Variants in MAF observed in about 807,000 individuals in gnomAD.
The protein encoded by MAF is transcription factor Maf.
Under a neutral mutation model 22.0 loss-of-function variants are expected in MAF, and 10 were observed. That is an observed-to-expected ratio of 0.45 (90% CI 0.28 to 0.77). The LOEUF (loss-of-function observed/expected upper bound fraction) is 0.77, where lower values mean the gene tolerates loss of function less well. Among genes scored for constraint, MAF ranks in the 30% least tolerant of loss-of-function variants. The pLI is 0.12. For missense variants in MAF, 544 were observed against 548.4 expected (o/e 0.99, Z 0.08); for synonymous variants, 337 against 255.8 (o/e 1.32, Z -3.03).
At chr16:79,271,082 T>A in the MAF span, among the ~76,000 whole-genome samples, 2,204 of 108,342 alleles carry the variant, frequency 0.02, 42 homozygotes, top group Non-Finnish European at 0.031. Flanking sequence ...CATTTTTTTT[T>A]ATTTTTTATT....
the MAF span, among the ~76,000 whole-genome samples, chr16:79,569,880 TACAA>T: frequency 6.6e-6 from 1 of 152,110 alleles, no homozygotes; most frequent in East Asian, 1.9e-4. Flanking sequence ...ACAAGTTAAA[TACAA>T]ACAATTGACG....
chr16:79,485,988 G>C, the MAF span, among the ~76,000 whole-genome samples: 1 of 152,232 alleles, frequency 6.6e-6, no homozygotes, highest in Non-Finnish European at 1.5e-5. Flanking sequence ...CTGGACCACT[G>C]TGGATAATGG....
chr16:79,365,597 G>C, the MAF span, among the ~76,000 whole-genome samples: 1 of 151,980 alleles, frequency 6.6e-6, no homozygotes, highest in Admixed American at 6.6e-5. Flanking sequence ...TTTTTCCTGG[G>C]ATTGGGGTGT....
chr16:79,349,740 C>A, the MAF span, among the ~76,000 whole-genome samples: 1 of 152,166 alleles, frequency 6.6e-6, no homozygotes, highest in Non-Finnish European at 1.5e-5. Flanking sequence ...CCATGAACAC[C>A]TTTTACACCT....
At chr16:79,567,222 G>A in the MAF span, among the ~76,000 whole-genome samples, 4 of 152,248 alleles carry the variant, frequency 2.6e-5, no homozygotes, top group East Asian at 5.8e-4. Flanking sequence ...GGAGGCTGAG[G>A]CAGGAGAATC....
the MAF span, among the ~76,000 whole-genome samples, chr16:79,222,696 T>G: frequency 6.6e-6 from 1 of 151,398 alleles, no homozygotes; most frequent in Non-Finnish European, 1.5e-5. Flanking sequence ...ACCAAGCAAG[T>G]GGGAAGAAAA....
chr16:79,597,691 A>G, intron 1 of MAF: 3 of 1,020,334 alleles, frequency 2.9e-6, no homozygotes, highest in Non-Finnish European at 3.5e-6. Context: ...TCATGAGGCA[A>G]TAAAACAAAA....
the MAF span, among the ~76,000 whole-genome samples, chr16:79,468,912 T>C: frequency 2.0e-5 from 3 of 152,156 alleles, no homozygotes; most frequent in Non-Finnish European, 2.9e-5. Context: ...CTTGCTTTGA[T>C]TGCCTTCAAT....
the MAF span, among the ~76,000 whole-genome samples, chr16:79,240,415 C>G: frequency 6.9e-6 from 1 of 145,278 alleles, no homozygotes; most frequent in Non-Finnish European, 1.5e-5. Flanking sequence ...ACCTCTCTAG[C>G]CAACATCATC....
the MAF span, chr16:79,205,854 C>T: frequency 6.6e-6 from 1 of 152,144 alleles, no homozygotes; most frequent in Non-Finnish European, 1.5e-5. Flanking sequence ...CCTGATGAAA[C>T]ACTCCAGAGC....
At chr16:79,310,779 CT>C in the MAF span, among the ~76,000 whole-genome samples, 1 of 152,328 alleles carries the variant, frequency 6.6e-6, no homozygotes, top group South Asian at 2.1e-4. Flanking sequence ...TCAGCTCCTG[CT>C]GCTAAAAGGA....
At chr16:79,250,512 C>A in the MAF span, among the ~76,000 whole-genome samples, 1 of 152,328 alleles carries the variant, frequency 6.6e-6, no homozygotes, top group East Asian at 1.9e-4. Context: ...TAGCATTTTG[C>A]AATGACTTCC....
the MAF span, among the ~76,000 whole-genome samples, chr16:79,404,309 G>A: frequency 6.6e-6 from 1 of 151,802 alleles, no homozygotes; most frequent in African/African-American, 2.4e-5. Context: ...GACTACAGGT[G>A]CCCACCACCA....
chr16:79,211,725 G>C, the MAF span: 3 of 1,614,238 alleles, frequency 1.9e-6, no homozygotes, highest in Non-Finnish European at 1.7e-6. Flanking sequence ...TCAGAGCGAA[G>C]AGACGGCCCG....
At chr16:79,563,817 T>C in the MAF span, among the ~76,000 whole-genome samples, 1 of 152,116 alleles carries the variant, frequency 6.6e-6, no homozygotes, top group African/African-American at 2.4e-5. Flanking sequence ...CATATCTGAT[T>C]CCTTACACTC....
At chr16:79,502,708 A>ATACATATATATATATATAT in the MAF span, among the ~76,000 whole-genome samples, 3 of 34,002 alleles carry the variant, frequency 8.8e-5, no homozygotes, top group Non-Finnish European at 1.7e-4. Context: ...TATAAATATA[A>ATACATATATATATATATAT]ATATATATAT....
chr16:79,408,086 A>AAAAC, the MAF span, among the ~76,000 whole-genome samples: 1 of 149,068 alleles, frequency 6.7e-6, no homozygotes, highest in Non-Finnish European at 1.5e-5. Flanking sequence ...TTCAAAAAAA[A>AAAAC]AAAAAAAAAA....
At chr16:79,549,254 G>A in the MAF span, among the ~76,000 whole-genome samples, 1 of 152,144 alleles carries the variant, frequency 6.6e-6, no homozygotes. Context: ...AGAGTGCTGA[G>A]TGATACATCA....
At chr16:79,445,553 C>T in the MAF span, among the ~76,000 whole-genome samples, 1 of 152,206 alleles carries the variant, frequency 6.6e-6, no homozygotes, top group Admixed American at 6.5e-5. Context: ...GTGCTAACCC[C>T]CCAAGCTCAG....
Sources: gnomAD v4.1 joint callset for allele counts (sites outside exome capture counted in the v4.1 genomes callset) on GRCh38, gnomAD v4.1.1 for gene constraint, MANE v1.5 for transcripts, NCBI Gene and HGNC (gene_info 2026-07-23, HGNC 2026-07-21) for gene names.